NR3C1: variants seen among roughly 807,000 people sequenced by gnomAD.
NR3C1 encodes the protein glucocorticoid receptor.
A neutral mutation model predicts 74.0 loss-of-function variants in NR3C1; 14 were observed. The ratio of observed to expected loss-of-function variants is 0.19; its 90% CI spans 0.12 to 0.30. The LOEUF is 0.30. Ranked by LOEUF, NR3C1 falls within the 10% of genes least tolerant of loss-of-function variation. The pLI, the probability that NR3C1 is intolerant of heterozygous loss-of-function variation, is 1.00. For synonymous variants in NR3C1, 308 were observed against 332.5 expected (o/e 0.93, Z 0.80); for missense variants, 695 against 909.8 (o/e 0.76, Z 3.04).
upstream of NR3C1, chr5:143,405,358 C>T (rs944067219): frequency 6.2e-5 from 61 of 985,572 alleles, no homozygotes; most frequent in Non-Finnish European, 7.1e-5. Context: ...AGACTGACGG[C>T]GGCTCCCCCT....
intron 2 of NR3C1, among the ~76,000 whole-genome samples, chr5:143,383,079 G>A (rs949499837): frequency 5.3e-5 from 8 of 152,232 alleles, no homozygotes; most frequent in African/African-American, 1.9e-4. Flanking sequence ...CTGCTGGAAA[G>A]AGCCTGAAAT....
chr5:143,334,343 T>C (rs559062130), intron 2 of NR3C1, among the ~76,000 whole-genome samples: 230 of 152,070 alleles, frequency 1.5e-3, no homozygotes, highest in African/African-American at 5.3e-3. Flanking sequence ...GATCACGCCA[T>C]TGCACTCCAG....
chr5:143,401,440 A>T (rs1054801058), intron 1 of NR3C1: 1 of 158,306 alleles, frequency 6.3e-6, no homozygotes, highest in Admixed American at 6.0e-5. Flanking sequence ...AAAAATAAAC[A>T]ATGCTGATCT....
upstream of NR3C1, among the ~76,000 whole-genome samples, chr5:143,407,847 A>T (rs1841165727): frequency 6.6e-6 from 1 of 152,174 alleles, no homozygotes; most frequent in African/African-American, 2.4e-5. Context: ...CTCCTTCTCA[A>T]GTATATACAA....
intron 2 of NR3C1, among the ~76,000 whole-genome samples, chr5:143,315,288 G>A (rs1443646990): frequency 3.9e-5 from 6 of 152,154 alleles, no homozygotes; most frequent in Admixed American, 6.5e-5. Context: ...TTCCTCTTAC[G>A]TGCTGACTTT....
chr5:143,360,677 T>C (rs1263153143), intron 2 of NR3C1, among the ~76,000 whole-genome samples: 1 of 152,200 alleles, frequency 6.6e-6, no homozygotes, highest in Non-Finnish European at 1.5e-5. Context: ...ATGCCACAAA[T>C]AGTACTAGGC....
At chr5:143,356,150 A>G (rs374712038) in intron 2 of NR3C1, among the ~76,000 whole-genome samples, 2 of 152,330 alleles carry the variant, frequency 1.3e-5, no homozygotes, top group South Asian at 2.1e-4. Flanking sequence ...CTAGCCCTCA[A>G]TAGACAAACT....
At chr5:143,396,556 A>G (rs1561771225) in intron 2 of NR3C1, among the ~76,000 whole-genome samples, 1 of 151,836 alleles carries the variant, frequency 6.6e-6, no homozygotes, top group Non-Finnish European at 1.5e-5. Flanking sequence ...ATGTTAGCAG[A>G]ATTTGCTTCA....
chr5:143,384,400 T>C (rs1217758441), intron 2 of NR3C1, among the ~76,000 whole-genome samples: 2 of 152,186 alleles, frequency 1.3e-5, no homozygotes, highest in Non-Finnish European at 2.9e-5. Flanking sequence ...CTTAACTCCT[T>C]CCAGCATTAA....
At chr5:143,289,571 T>G (rs1303967062) in intron 7 of NR3C1, among the ~76,000 whole-genome samples, 1 of 152,216 alleles carries the variant, frequency 6.6e-6, no homozygotes, top group Non-Finnish European at 1.5e-5. Flanking sequence ...CTTTTGCTCA[T>G]CTCTACATTT....
At chr5:143,285,928 T>C (rs1814315164) in intron 7 of NR3C1, among the ~76,000 whole-genome samples, 1 of 143,322 alleles carries the variant, frequency 7.0e-6, no homozygotes, top group Non-Finnish European at 1.5e-5. Context: ...GCTGGTTCTA[T>C]GAAAACATTG....
chr5:143,320,934 C>G lies in NR3C1; in HGVS notation c.1185-6766G>C, dbSNP rs33389. On this transcript the variant is annotated intron_variant, in intron 2 of 8. Coordinates refer to ENST00000394464, the MANE Select transcript of NR3C1 (RefSeq NM_000176.3). ...TTGCTCAGGCTTGCATTAGGGGATG[C>G]GAGTTTTAAGCAGAAGCAATAATAG... Among the ~76,000 whole-genome samples, 175 of 152,072 alleles carry G rather than the reference C, an allele frequency of 1.2e-3. 1 individual carries two copies. The highest frequency in any genetic ancestry group is 4.2e-3 in the African/African-American group (173 of 41,466).
chr5:143,382,940 G>T (rs1283309887), intron 2 of NR3C1, among the ~76,000 whole-genome samples: 1 of 152,184 alleles, frequency 6.6e-6, no homozygotes, highest in African/African-American at 2.4e-5. Context: ...CAAGTCTACT[G>T]CCCACAGTCA....
chr5:143,423,921 G>T (rs1751371414), intron 1 of NR3C1, among the ~76,000 whole-genome samples: 1 of 151,604 alleles, frequency 6.6e-6, no homozygotes, highest in East Asian at 1.9e-4. Context: ...ATAGAATGAT[G>T]GTTACTAGGG....
At chr5:143,419,740 C>A (rs1231597378) in intron 1 of NR3C1, among the ~76,000 whole-genome samples, 5 of 152,054 alleles carry the variant, frequency 3.3e-5, no homozygotes, top group Non-Finnish European at 7.4e-5. Context: ...AGGACGGGGG[C>A]GAAATTAAAA....
chr5:143,338,514 A>G (rs1827590950), intron 2 of NR3C1, among the ~76,000 whole-genome samples: 1 of 152,124 alleles, frequency 6.6e-6, no homozygotes, highest in African/African-American at 2.4e-5. Context: ...CTGACTTTGT[A>G]TAGGCCTAGG....
rs1813120616 is a variant in NR3C1, at chr5:143,281,652, T to TTAAC, written c.*233_*236dup. On this transcript the variant is annotated 3_prime_UTR_variant, in exon 9 of 9. Transcript: ENST00000394464. ...TAAGGTTTCTAATTTCTGGGATATA[T>TTAAC]TAACTAATAAATTTCACCATCTACT... 1 of 472,080 alleles carries TTAAC rather than the reference T, an allele frequency of 2.1e-6. No homozygotes were observed. Among genetic ancestry groups the TTAAC allele is most frequent in the Non-Finnish European group, 3.8e-6 (1 of 260,086 alleles). The allele number at this position is 472,080 out of a possible 1,614,324, so 29.2% of individuals were successfully genotyped here. A position where few individuals can be genotyped will look rare whatever the true frequency, so the allele number is the denominator to read the frequency against.
In NR3C1 at chr5:143,303,837, T is replaced by C. The variant is rs558877374; in HGVS notation, c.1469-3074A>G. Among the ~76,000 whole-genome samples, 5 of 152,212 alleles carry C rather than the reference T, an allele frequency of 3.3e-5. No homozygotes were observed. In the East Asian group the frequency reaches 5.8e-4, roughly 18 times the overall value. ...ACAAAAAAAATAATGATCATCTCAATAGATGCAGAAAAAGTTGCGATAAAA... is the reference window on the plus strand; with the variant it reads ...ACAAAAAAAATAATGATCATCTCAACAGATGCAGAAAAAGTTGCGATAAAA... On this transcript the variant is annotated intron_variant, in intron 4 of 8. Transcript: ENST00000394464.
chr5:143,422,619 G>A (rs1751294842), intron 1 of NR3C1, among the ~76,000 whole-genome samples: 2 of 152,152 alleles, frequency 1.3e-5, no homozygotes, highest in African/African-American at 4.8e-5. Context: ...CCCACCATGT[G>A]AGGACAAAGC....
Sources: allele counts gnomAD v4.1 joint callset (sites outside exome capture counted in the v4.1 genomes callset), GRCh38; gene constraint gnomAD v4.1.1; transcripts MANE v1.5; gene names NCBI Gene and HGNC (gene_info 2026-07-23, HGNC 2026-07-21).